Variants in ZFAT observed in about 807,000 individuals in gnomAD.
ZFAT encodes zinc finger and AT-hook domain containing, also known as zinc finger protein ZFAT.
ZFAT carries 64 observed loss-of-function variants against 117.7 expected under a neutral mutation model. That is an observed-to-expected ratio of 0.54 (90% CI 0.44 to 0.67). The LOEUF is 0.67. ZFAT is among the 30% of genes least tolerant of loss of function. ZFAT has a pLI of 0.00. For missense variants in ZFAT, 1,433 were observed against 1,584.5 expected (o/e 0.90, Z 1.62); for synonymous variants, 679 against 615.0 (o/e 1.10, Z -1.54).
At chr8:134,745,631 T>C in the ZFAT span, among the ~76,000 whole-genome samples, 2 of 152,202 alleles carry the variant, frequency 1.3e-5, no homozygotes, top group Non-Finnish European at 1.5e-5. Context: ...CATGGGCTAA[T>C]GTGATTTCTA....
upstream of ZFAT, chr8:134,713,058 G>T: frequency 1.7e-6 from 1 of 585,734 alleles, no homozygotes; most frequent in Non-Finnish European, 2.6e-6. Context: ...TCCCCACGGG[G>T]CGCAGACGCC....
At chr8:134,613,606 T>A (rs1828507307) in intron 3 of ZFAT, among the ~76,000 whole-genome samples, 1 of 152,108 alleles carries the variant, frequency 6.6e-6, no homozygotes, top group African/African-American at 2.4e-5. Context: ...ACCCTACCCG[T>A]TCCCAATACC....
At chr8:134,699,908 G>C (rs1833965588) in intron 1 of ZFAT, among the ~76,000 whole-genome samples, 1 of 152,216 alleles carries the variant, frequency 6.6e-6, no homozygotes, top group Non-Finnish European at 1.5e-5. Context: ...CAGGCAGAAG[G>C]CTGGCACGCA....
intron 1 of ZFAT, among the ~76,000 whole-genome samples, chr8:134,703,312 T>C (rs766947292): frequency 6.6e-6 from 1 of 152,276 alleles, no homozygotes; most frequent in East Asian, 1.9e-4. Flanking sequence ...TGTTAAAGTA[T>C]CTTTCAAACC....
intron 3 of ZFAT, among the ~76,000 whole-genome samples, chr8:134,624,170 A>G (rs1586838178): frequency 7.4e-6 from 1 of 134,730 alleles, no homozygotes; most frequent in Admixed American, 8.2e-5. Flanking sequence ...GTGCAGGCAC[A>G]TGTGCACATG....
intron 1 of ZFAT, among the ~76,000 whole-genome samples, chr8:134,693,213 T>C (rs183112806): frequency 2.0e-4 from 31 of 152,242 alleles, no homozygotes; most frequent in South Asian, 1.2e-3. Flanking sequence ...CTTGTAGAAA[T>C]AGTTGATTCC....
chr8:134,607,516 G>A (rs1827979483), intron 5 of ZFAT, among the ~76,000 whole-genome samples: 1 of 152,228 alleles, frequency 6.6e-6, no homozygotes, highest in Non-Finnish European at 1.5e-5. Flanking sequence ...AAGTTACAAT[G>A]GAGTGTAAGC....
intron 11 of ZFAT, among the ~76,000 whole-genome samples, chr8:134,546,470 G>A (rs1822703777): frequency 6.6e-6 from 1 of 152,164 alleles, no homozygotes; most frequent in African/African-American, 2.4e-5. Context: ...GTGTAGCTGG[G>A]CTGGGGGAGG....
At chr8:134,628,128 G>C (rs1586846152) in intron 3 of ZFAT, among the ~76,000 whole-genome samples, 1 of 152,216 alleles carries the variant, frequency 6.6e-6, no homozygotes, top group Non-Finnish European at 1.5e-5. Context: ...ACTGGCACAG[G>C]AGAGGGTTGT....
In ZFAT at chr8:134,532,899, T is replaced by A; in HGVS notation, c.3050A>T (p.His1017Leu). 6.2e-7 allele frequency: 1 copy of A among 1,609,482 alleles called. No homozygotes were observed. Among genetic ancestry groups the A allele is most frequent in the African/African-American group, 1.3e-5 (1 of 75,012 alleles). The change falls in exon 12 of 16, where the codon CAC becomes CTC. Residue 1017 changes from histidine to leucine, a missense_variant. Coordinates refer to ENST00000377838, the MANE Select transcript of ZFAT (RefSeq NM_020863.4). ...CACGTTGGCATACTCCTCATTAGGGTGCTTCCTGTTGTAGTGCCGCTTCAG... is the reference window on the plus strand; with the variant it reads ...CACGTTGGCATACTCCTCATTAGGGAGCTTCCTGTTGTAGTGCCGCTTCAG... ...GSLKRHYNRKHPNEEYANVGT... is the reference protein window; with the variant it reads ...GSLKRHYNRKLPNEEYANVGT...
intron 2 of ZFAT, chr8:134,639,815 A>G: frequency 2.2e-6 from 1 of 456,222 alleles, no homozygotes; most frequent in South Asian, 1.5e-5. Context: ...AGGGTGCCTA[A>G]GAGTTTACTG....
At chr8:134,636,272 G>A (rs1830207064) in intron 3 of ZFAT, among the ~76,000 whole-genome samples, 1 of 152,130 alleles carries the variant, frequency 6.6e-6, no homozygotes, top group Non-Finnish European at 1.5e-5. Flanking sequence ...ACTAACTAAA[G>A]GACCCTAAAC....
the ZFAT span, among the ~76,000 whole-genome samples, chr8:134,810,003 A>G: frequency 7.2e-5 from 11 of 152,170 alleles, no homozygotes; most frequent in African/African-American, 2.7e-4. Flanking sequence ...CTGAGTGGGT[A>G]TGTAGCCCCA....
the ZFAT span, among the ~76,000 whole-genome samples, chr8:134,831,951 C>T: frequency 1.3e-5 from 2 of 151,680 alleles, no homozygotes; most frequent in East Asian, 2.0e-4. Flanking sequence ...CTCTCCGCTC[C>T]GGACGCCCTC....
intron 15 of ZFAT, among the ~76,000 whole-genome samples, chr8:134,484,690 T>A (rs566370371): frequency 5.3e-5 from 8 of 152,330 alleles, no homozygotes; most frequent in African/African-American, 1.9e-4. Flanking sequence ...CACACAGCAC[T>A]TTGGTTACTG....
intron 1 of ZFAT, among the ~76,000 whole-genome samples, chr8:134,684,631 T>C (rs1833232583): frequency 6.6e-6 from 1 of 152,216 alleles, no homozygotes; most frequent in Admixed American, 6.5e-5. Context: ...CACTTCTCCC[T>C]TCCTTTATGT....
chr8:134,685,839 C>T (rs923812898), intron 1 of ZFAT, among the ~76,000 whole-genome samples: 20 of 152,204 alleles, frequency 1.3e-4, no homozygotes, highest in Admixed American at 7.2e-4. Flanking sequence ...TTACTGATTG[C>T]CTAACTCTTG....
At chr8:134,496,213 C>CA (rs1818423455) in intron 15 of ZFAT, among the ~76,000 whole-genome samples, 3 of 152,244 alleles carry the variant, frequency 2.0e-5, no homozygotes, top group Non-Finnish European at 4.4e-5. Context: ...GGAGTAAGTT[C>CA]CATGATCTTC....
At chr8:134,498,875 G>A (rs1411641952) in intron 15 of ZFAT, among the ~76,000 whole-genome samples, 1 of 25,800 alleles carries the variant, frequency 3.9e-5, no homozygotes. Flanking sequence ...GGATGCCCCC[G>A]TTGCTGGTTA....
Sources: allele counts gnomAD v4.1 joint callset (sites outside exome capture counted in the v4.1 genomes callset), GRCh38; gene constraint gnomAD v4.1.1; transcripts MANE v1.5; gene names NCBI Gene and HGNC (gene_info 2026-07-23, HGNC 2026-07-21).